Variants in ASTN2 observed in about 807,000 individuals in gnomAD.
The protein encoded by ASTN2 is astrotactin 2, also known as astrotactin-2.
In ASTN2, 54 loss-of-function variants were observed where a neutral mutation model predicts 139.8. The ratio of observed to expected loss-of-function variants is 0.39; its 90% CI spans 0.31 to 0.48. ASTN2 has a LOEUF of 0.48. ASTN2 is among the 20% of genes least tolerant of loss of function. The pLI, the probability that ASTN2 is intolerant of heterozygous loss-of-function variation, is 0.95. For missense variants in ASTN2, 1,565 were observed against 1,725.1 expected (o/e 0.91, Z 1.64); for synonymous variants, 756 against 719.5 (o/e 1.05, Z -0.81).
chr9:117,272,092 C>G (rs1332524004), intron 2 of ASTN2, among the ~76,000 whole-genome samples: 1 of 152,244 alleles, frequency 6.6e-6, no homozygotes, highest in Non-Finnish European at 1.5e-5. Flanking sequence ...GCCCCTGCAG[C>G]AAACTTTTGC....
intron 20 of ASTN2, among the ~76,000 whole-genome samples, chr9:116,460,265 G>T (rs1351793891): frequency 6.6e-6 from 1 of 152,108 alleles, no homozygotes; most frequent in Non-Finnish European, 1.5e-5. Flanking sequence ...CAATGGAAAT[G>T]ACTGTTAATG....
intron 10 of ASTN2, among the ~76,000 whole-genome samples, chr9:116,960,950 C>A (rs1052739593): frequency 6.6e-6 from 1 of 152,034 alleles, no homozygotes; most frequent in Non-Finnish European, 1.5e-5. Flanking sequence ...CCAGGCTGCC[C>A]CATTTCAATA....
intron 19 of ASTN2, among the ~76,000 whole-genome samples, chr9:116,591,804 T>G (rs1854389362): frequency 1.3e-5 from 2 of 152,218 alleles, no homozygotes; most frequent in Non-Finnish European, 2.9e-5. Flanking sequence ...TTTCTTGATT[T>G]GGGTACTGGT....
Position 116,729,105 on chromosome 9 carries a change from G to A in ASTN2, c.2522-9C>T. The A allele has an allele frequency of 6.4e-7, 1 of 1,568,280 alleles. No individual in the cohort carries two copies. The highest frequency in any genetic ancestry group is 1.3e-5 in the African/African-American group (1 of 74,110). On this transcript the variant is annotated splice_polypyrimidine_tract_variant and intron_variant, in intron 14 of 22. Coordinates refer to ENST00000313400, the MANE Select transcript of ASTN2 (RefSeq NM_001365068.1). ...ATCATACCTGATATCTCCTGGGAGA[G>A]AAAATAAGATGGTCACGTGAGCCCA...
intron 6 of ASTN2, among the ~76,000 whole-genome samples, chr9:117,026,926 T>G (rs1838105514): frequency 6.6e-6 from 1 of 152,154 alleles, no homozygotes; most frequent in Non-Finnish European, 1.5e-5. Flanking sequence ...TTAGAGAGGT[T>G]AAATAACTTA....
intron 19 of ASTN2, among the ~76,000 whole-genome samples, chr9:116,609,191 T>C (rs1234410225): frequency 6.6e-6 from 1 of 151,374 alleles, no homozygotes; most frequent in Non-Finnish European, 1.5e-5. Context: ...ATTTTCCAAA[T>C]TTAATGAAAC....
intron 5 of ASTN2, among the ~76,000 whole-genome samples, chr9:117,090,165 T>G (rs917338670): frequency 5.9e-5 from 9 of 152,224 alleles, no homozygotes; most frequent in Non-Finnish European, 1.3e-4. Context: ...ATCTATGTGT[T>G]GCCTATGGCA....
At position 116,616,768 on chromosome 9, in the gene ASTN2, C is replaced by T. The variant is rs1408780290; in HGVS notation, c.3355+1556G>A. ...CCTCTGCTATTATAAAACAGCACTC[C>T]AGAAGGACAAAGACACACACACACA... On this transcript the variant is annotated intron_variant, in intron 19 of 22. Coordinates refer to ENST00000313400, the MANE Select transcript of ASTN2 (RefSeq NM_001365068.1). Among the ~76,000 whole-genome samples the T allele has an allele frequency of 2.2e-5, 3 of 136,712 alleles. No homozygotes were observed. In the Admixed American group the frequency reaches 2.4e-4, roughly 11 times the overall value. 89.7% of individuals were successfully genotyped at this position (136,712 alleles called of 152,430 possible).
At chr9:117,229,288 G>A (rs1185854735) in intron 2 of ASTN2, among the ~76,000 whole-genome samples, 3 of 152,232 alleles carry the variant, frequency 2.0e-5, no homozygotes, top group South Asian at 2.1e-4. Flanking sequence ...GCTGAACCTC[G>A]ATCTGTTCCC....
intron 19 of ASTN2, among the ~76,000 whole-genome samples, chr9:116,599,290 T>C (rs559036336): frequency 1.3e-5 from 2 of 152,328 alleles, no homozygotes; most frequent in East Asian, 3.9e-4. Context: ...TTTCAAGTGA[T>C]AGCCACTTAT....
At chr9:116,942,419 G>T (rs1198265087) in intron 10 of ASTN2, among the ~76,000 whole-genome samples, 2 of 152,152 alleles carry the variant, frequency 1.3e-5, no homozygotes, top group Non-Finnish European at 2.9e-5. Context: ...TCTTTCTGCT[G>T]GTTTTTATGA....
At chr9:116,731,126 T>C (rs181884086) in intron 14 of ASTN2, among the ~76,000 whole-genome samples, 3 of 151,444 alleles carry the variant, frequency 2.0e-5, no homozygotes, top group African/African-American at 4.8e-5. Context: ...GCTCCCCACC[T>C]GGGGATTATG....
intron 19 of ASTN2, among the ~76,000 whole-genome samples, chr9:116,534,111 T>A (rs1342055544): frequency 6.6e-6 from 1 of 152,200 alleles, no homozygotes; most frequent in Non-Finnish European, 1.5e-5. Flanking sequence ...TGTCCAGGAA[T>A]TTATCCATTT....
chr9:116,747,254 G>C (rs530204482), intron 13 of ASTN2, among the ~76,000 whole-genome samples: 4 of 152,308 alleles, frequency 2.6e-5, no homozygotes, highest in South Asian at 4.1e-4. Flanking sequence ...AGACATAAAA[G>C]AGGAAAAATG....
intron 10 of ASTN2, among the ~76,000 whole-genome samples, chr9:116,907,096 T>A (rs1588401170): frequency 6.6e-6 from 1 of 152,280 alleles, no homozygotes. Context: ...TCCCTTTATG[T>A]AGATGATACA....
chr9:116,810,853 G>T lies in ASTN2; in HGVS notation c.2208-5033C>A, dbSNP rs150825081. On this transcript the variant is annotated intron_variant, in intron 12 of 22. Coordinates refer to ENST00000313400, the MANE Select transcript of ASTN2 (RefSeq NM_001365068.1). ...GCTTCTTTTCAGTTGTAGATATTTA[G>T]CTCTTATCATTTATTTCCTTATTAT... Among the ~76,000 whole-genome samples, 229 of 152,048 alleles carry T rather than the reference G, an allele frequency of 1.5e-3. 2 individuals are homozygous for T. Among genetic ancestry groups the T allele is most frequent in the African/African-American group, 5.1e-3 (212 of 41,488 alleles).
intron 2 of ASTN2, among the ~76,000 whole-genome samples, chr9:117,285,028 G>A (rs1249337601): frequency 1.3e-5 from 2 of 152,192 alleles, no homozygotes; most frequent in Admixed American, 1.3e-4. Context: ...ACTAAGCACT[G>A]TAAAAGTGCT....
intron 2 of ASTN2, among the ~76,000 whole-genome samples, chr9:117,274,016 T>C (rs778865340): frequency 2.6e-5 from 4 of 152,122 alleles, no homozygotes; most frequent in Non-Finnish European, 5.9e-5. Context: ...TTATCTCCCA[T>C]GGTTATGGGC....
chr9:116,651,496 T>C (rs777715887), intron 17 of ASTN2, 32 bp downstream of exon 17: 2 of 1,603,476 alleles, frequency 1.2e-6, no homozygotes, highest in Non-Finnish European at 1.7e-6. Flanking sequence ...GCTGGTCAAG[T>C]TTGACTGAGT....
Sources: gnomAD v4.1 joint callset for allele counts (sites outside exome capture counted in the v4.1 genomes callset) on GRCh38, gnomAD v4.1.1 for gene constraint, MANE v1.5 for transcripts, NCBI Gene and HGNC (gene_info 2026-07-23, HGNC 2026-07-21) for gene names.